Variants in KCNQ4 observed in about 807,000 individuals in gnomAD.
KCNQ4 encodes potassium voltage-gated channel subfamily Q member 4.
Under a neutral mutation model 72.6 loss-of-function variants are expected in KCNQ4, and 31 were observed. The observed-to-expected ratio is 0.43, with a 90% CI of 0.32 to 0.58. The LOEUF (loss-of-function observed/expected upper bound fraction) is 0.58. KCNQ4 is among the 20% of genes least tolerant of loss of function. KCNQ4 has a pLI of 0.08. For synonymous variants in KCNQ4, 405 were observed against 403.7 expected, an observed-to-expected ratio of 1.00 and a Z score of -0.04; for missense variants, 869 against 962.6, an observed-to-expected ratio of 0.90 and a Z score of 1.29.
chr1:40,785,972 T>G (rs1647198429), intron 1 of KCNQ4, among the ~76,000 whole-genome samples: 2 of 152,120 alleles, frequency 1.3e-5, no homozygotes, highest in Non-Finnish European at 2.9e-5. Context: ...GAGGTCAAGC[T>G]TCGGTTCAGG....
chr1:40,832,007 G>T (rs1050403318), intron 10 of KCNQ4, among the ~76,000 whole-genome samples: 1 of 152,338 alleles, frequency 6.6e-6, no homozygotes, highest in East Asian at 1.9e-4. Flanking sequence ...ACCCAGCCCA[G>T]GCTGCAAGTA....
chr1:40,825,801 T>G (rs1648458781), intron 9 of KCNQ4, among the ~76,000 whole-genome samples: 1 of 152,130 alleles, frequency 6.6e-6, no homozygotes, highest in Admixed American at 6.5e-5. Context: ...CTGGTCTCAT[T>G]TTGACTGAAT....
At chr1:40,816,515 C>T (rs909829736) in intron 1 of KCNQ4, among the ~76,000 whole-genome samples, 11 of 152,142 alleles carry the variant, frequency 7.2e-5, no homozygotes, top group Admixed American at 1.3e-4. Flanking sequence ...CCTGTTTCCT[C>T]GTGGTGCACT....
At chr1:40,805,851 T>TC (rs1436847755) in intron 1 of KCNQ4, among the ~76,000 whole-genome samples, 1 of 152,200 alleles carries the variant, frequency 6.6e-6, no homozygotes, top group South Asian at 2.1e-4. Context: ...GAAATTTTTT[T>TC]TTTTTTTTAA....
At chr1:40,830,596 CCCT>C (rs1648611950) in intron 9 of KCNQ4, among the ~76,000 whole-genome samples, 1 of 152,124 alleles carries the variant, frequency 6.6e-6, no homozygotes. Flanking sequence ...CACACACACA[CCCT>C]CGACTCCACA....
At chr1:40,816,748 G>A (rs753606031) in intron 1 of KCNQ4, among the ~76,000 whole-genome samples, 6 of 152,108 alleles carry the variant, frequency 3.9e-5, no homozygotes, top group African/African-American at 4.8e-5. Flanking sequence ...TAGCTGTCTC[G>A]TTACTTAATT....
chr1:40,812,111 G>A (rs979181826), intron 1 of KCNQ4, among the ~76,000 whole-genome samples: 1 of 152,166 alleles, frequency 6.6e-6, no homozygotes, highest in African/African-American at 2.4e-5. Context: ...GGAAGGCCAA[G>A]GCAGCTTGAG....
In KCNQ4 at chr1:40,839,296, A is replaced by T; in HGVS notation, c.*773A>T. 6.6e-6 allele frequency: 1 copy of T among 152,030 alleles called. No individual in the cohort carries two copies. Among genetic ancestry groups the T allele is most frequent in the Non-Finnish European group, 1.5e-5 (1 of 68,310 alleles). 9.4% of individuals were successfully genotyped at this position (152,030 alleles called of 1,614,324 possible). A position where few individuals can be genotyped will look rare whatever the true frequency, so the allele number is the denominator to read the frequency against. On this transcript the variant is annotated 3_prime_UTR_variant, in exon 14 of 14. Coordinates refer to ENST00000347132, the MANE Select transcript of KCNQ4 (RefSeq NM_004700.4). ...GGCTCCCTCCTCCTGCTGGGTGGCCACTCCCCTCCTTGGCCCTCCAGACAC... is the reference window on the plus strand; with the variant it reads ...GGCTCCCTCCTCCTGCTGGGTGGCCTCTCCCCTCCTTGGCCCTCCAGACAC...
At chr1:40,824,884 G>A (rs535190892) in intron 9 of KCNQ4, among the ~76,000 whole-genome samples, 1 of 152,340 alleles carries the variant, frequency 6.6e-6, no homozygotes, top group African/African-American at 2.4e-5. Context: ...TCCTCTTGGG[G>A]TTCTGTTTCC....
Position 40,784,214 on chromosome 1 carries a change from TC to T in KCNQ4, c.125del (p.Pro42ArgfsTer97). On this transcript the variant is annotated frameshift_variant, in exon 1 of 14. Coordinates refer to ENST00000347132, the MANE Select transcript of KCNQ4 (RefSeq NM_004700.4). LOFTEE classifies it high-confidence loss of function. The surrounding 1 kb of genome is among the most constrained non-coding windows in gnomAD (Gnocchi z 4.1). ...SEQGEAGGGG[S>X]PRRLGLLGSP... ...ACAGGGCGAGGCGGGCGGGGGCGGC[TC>T]CCCGCGCCGCCTCGGCCTCCTGGGC... 1 of 1,154,990 alleles carries T rather than the reference TC, an allele frequency of 8.7e-7. No individual in the cohort carries two copies. The highest frequency in any genetic ancestry group is 1.1e-6 in the Non-Finnish European group (1 of 943,880). The allele number at this position is 1,154,990 out of a possible 1,614,324, so 71.5% of individuals were successfully genotyped here.
intron 3 of KCNQ4, 35 bp from the exon 4 acceptor site, chr1:40,818,470 G>A (rs1226128593): frequency 1.3e-6 from 2 of 1,598,648 alleles, no homozygotes; most frequent in South Asian, 2.2e-5. Flanking sequence ...GCGCGGGGTA[G>A]GCTGGCTGTG....
chr1:40,813,079 A>G (rs1217496865), intron 1 of KCNQ4, among the ~76,000 whole-genome samples: 1 of 152,196 alleles, frequency 6.6e-6, no homozygotes. Flanking sequence ...GTGTTCCAGG[A>G]CTGGCAAGGA....
intron 1 of KCNQ4, among the ~76,000 whole-genome samples, chr1:40,792,464 A>G (rs1262311430): frequency 6.6e-6 from 1 of 152,200 alleles, no homozygotes; most frequent in Non-Finnish European, 1.5e-5. Flanking sequence ...GCTGGAGCAG[A>G]TCCACGGGCT....
chr1:40,795,345 T>G (rs2148298955), intron 1 of KCNQ4, among the ~76,000 whole-genome samples: 1 of 149,452 alleles, frequency 6.7e-6, no homozygotes, highest in South Asian at 2.2e-4. Context: ...CACTGCAGCC[T>G]TGAACTCCTG....
At chr1:40,807,871 C>T (rs537587451) in intron 1 of KCNQ4, among the ~76,000 whole-genome samples, 9 of 152,258 alleles carry the variant, frequency 5.9e-5, no homozygotes, top group East Asian at 3.9e-4. Context: ...GAAAGAGTCA[C>T]GCGCTCCCCA....
intron 9 of KCNQ4, among the ~76,000 whole-genome samples, chr1:40,825,928 T>C (rs1648462949): frequency 6.6e-6 from 1 of 152,176 alleles, no homozygotes; most frequent in African/African-American, 2.4e-5. Context: ...AGGGCTTGGC[T>C]GTCACTGACT....
rs139676576 is a variant in KCNQ4, at chr1:40,791,969, C to T, written c.314+7562C>T. ...TCCCTATCAAGCAAGGAATGGCTCC[C>T]TACTCCCACAGAGCGAAAGATGGAG... is the stretch of plus-strand genomic sequence containing the variant. On this transcript the variant is annotated intron_variant, in intron 1 of 13. Coordinates refer to ENST00000347132, the MANE Select transcript of KCNQ4 (RefSeq NM_004700.4). Among the ~76,000 whole-genome samples, 135 of 151,900 alleles carry T rather than the reference C, an allele frequency of 8.9e-4. 2 individuals are homozygous for T. In the East Asian group the frequency reaches 0.025, roughly 28 times the overall value.
rs200757822 is a variant in KCNQ4, at chr1:40,838,506, A to G, written c.2071A>G (p.Ser691Gly). 9.9e-6 allele frequency: 16 copies of G among 1,614,126 alleles called. No individual in the cohort carries two copies. The East Asian group carries it at 2.2e-4, about 22-fold the overall frequency. Residue 691 changes from serine (S) to glycine (G), a missense_variant, in exon 14 of 14, where the codon AGC becomes GGC. Ser to Gly is a moderately conservative substitution (Grantham distance 56). Transcript: ENST00000347132. Reference sequence around the variant, plus strand: ...GACGCTCAGCATCTCCCGCTCGGTCAGCACCAACATGGACTGAGGGACTTC... The same window carrying G: ...GACGCTCAGCATCTCCCGCTCGGTCGGCACCAACATGGACTGAGGGACTTC... ...AQTLSISRSVSTNMD is the reference protein window; with the variant it reads ...AQTLSISRSVGTNMD
chr1:40,793,962 T>C (rs1337421052), intron 1 of KCNQ4, among the ~76,000 whole-genome samples: 1 of 152,110 alleles, frequency 6.6e-6, no homozygotes, highest in Non-Finnish European at 1.5e-5. Flanking sequence ...ACTGGGTGTG[T>C]GGGGGTTGAA....
Sources: allele counts gnomAD v4.1 joint callset (sites outside exome capture counted in the v4.1 genomes callset), GRCh38; gene constraint gnomAD v4.1.1; non-coding constraint Gnocchi (gnomAD v3.1); transcripts MANE v1.5; gene names NCBI Gene and HGNC (gene_info 2026-07-23, HGNC 2026-07-21).